SLAMF1: variants seen among roughly 807,000 people sequenced by gnomAD.
The protein encoded by SLAMF1 is signaling lymphocytic activation molecule.
SLAMF1 carries 18 observed loss-of-function variants against 35.1 expected under a neutral mutation model. The observed-to-expected ratio is 0.51, with a 90% CI of 0.35 to 0.76. The LOEUF (loss-of-function observed/expected upper bound fraction) is 0.76, where lower values mean the gene tolerates loss of function less well. SLAMF1 is among the 30% of genes least tolerant of loss of function. SLAMF1 has a pLI of 0.01. For missense variants in SLAMF1, 392 were observed against 413.0 expected, an observed-to-expected ratio of 0.95 and a Z score of 0.44; for synonymous variants, 168 against 157.2, an observed-to-expected ratio of 1.07 and a Z score of -0.51.
intron 1 of SLAMF1, among the ~76,000 whole-genome samples, chr1:160,641,708 A>T (rs890984899): frequency 3.3e-5 from 5 of 152,142 alleles, no homozygotes; most frequent in Non-Finnish European, 5.9e-5. Context: ...CCCTCACATA[A>T]GCACAAGGTG....
At chr1:160,631,413 C>T (rs770694602) in intron 3 of SLAMF1, among the ~76,000 whole-genome samples, 11 of 152,226 alleles carry the variant, frequency 7.2e-5, no homozygotes, top group South Asian at 2.1e-4. Context: ...TTGGACATAG[C>T]GTCTTCACAG....
intron 1 of SLAMF1, among the ~76,000 whole-genome samples, chr1:160,638,623 T>C (rs1660580754): frequency 6.6e-6 from 1 of 152,240 alleles, no homozygotes; most frequent in Admixed American, 6.5e-5. Flanking sequence ...TGTGTGTTTA[T>C]AGTTTCTTTT....
chr1:160,632,949 G>A (rs1417600298), intron 3 of SLAMF1, among the ~76,000 whole-genome samples: 6 of 152,020 alleles, frequency 3.9e-5, no homozygotes, highest in African/African-American at 1.2e-4. Context: ...CTGTGAAGTG[G>A]GGATACTATC....
intron 3 of SLAMF1, among the ~76,000 whole-genome samples, chr1:160,633,299 G>A (rs79641029): frequency 7.3e-4 from 111 of 152,200 alleles, no homozygotes; most frequent in African/African-American, 2.5e-3. Context: ...GTGAGAGGAC[G>A]GGGGACTCTG....
rs1427618078 is a variant in SLAMF1 at position 160,609,926 on chromosome 1, T to A, written c.*822A>T. On this transcript the variant is annotated 3_prime_UTR_variant, in exon 7 of 7. Coordinates refer to ENST00000302035, the MANE Select transcript of SLAMF1 (RefSeq NM_003037.5). ...CAGAGAACTGGGATTTAAACATCAT[T>A]TTGAGAAGTGAAAAATCACCATGGG... The A allele has an allele frequency of 1.2e-5, 2 of 173,662 alleles. No homozygotes were observed. The highest frequency in any genetic ancestry group is 4.8e-5 in the African/African-American group (2 of 41,562). 10.8% of individuals were successfully genotyped at this position (173,662 alleles called of 1,614,324 possible).
At chr1:160,617,858 A>G (rs1659391658) in intron 5 of SLAMF1, among the ~76,000 whole-genome samples, 1 of 152,150 alleles carries the variant, frequency 6.6e-6, no homozygotes, top group Admixed American at 6.5e-5. Context: ...AGATCACTTG[A>G]GGTTAGTAGT....
intron 4 of SLAMF1, among the ~76,000 whole-genome samples, chr1:160,622,761 T>G (rs1373713326): frequency 6.6e-6 from 1 of 152,208 alleles, no homozygotes; most frequent in Non-Finnish European, 1.5e-5. Flanking sequence ...CATCTGAATG[T>G]AAGTTTGTCT....
chr1:160,637,467 G>C lies in SLAMF1; in HGVS notation c.139C>G (p.Leu47Val). 5 of 1,613,924 alleles carry C rather than the reference G, an allele frequency of 3.1e-6. No individual in the cohort carries two copies. The highest frequency in any genetic ancestry group is 4.2e-6 in the Non-Finnish European group (5 of 1,179,996). ...CTCTTATTTATCCTTTCATATGTCA[G>C]GGGCAGCAGCACTTTGCTTCCCAAC... ...RQLGSKVLLP[L>V]TYERINKSMN... The change falls in exon 2 of 7, where the codon CTG becomes GTG. Residue 47 changes from leucine (L) to valine (V), a missense_variant. Coordinates refer to ENST00000302035, the MANE Select transcript of SLAMF1 (RefSeq NM_003037.5).
intron 5 of SLAMF1, among the ~76,000 whole-genome samples, chr1:160,612,816 C>G (rs893191396): frequency 5.9e-5 from 9 of 152,192 alleles, no homozygotes; most frequent in East Asian, 1.9e-4. Context: ...CCCAAGGCAG[C>G]CTCATCCATT....
chr1:160,645,888 G>T (rs1394000488), intron 1 of SLAMF1, among the ~76,000 whole-genome samples: 1 of 151,942 alleles, frequency 6.6e-6, no homozygotes, highest in Non-Finnish European at 1.5e-5. Flanking sequence ...TTGGATTTGC[G>T]GTCTTGAAAA....
intron 2 of SLAMF1, among the ~76,000 whole-genome samples, chr1:160,635,632 C>T (rs1396151196): frequency 6.8e-6 from 1 of 147,906 alleles, no homozygotes; most frequent in Non-Finnish European, 1.5e-5. Context: ...AGTGCAGTGG[C>T]ACAATCTCAG....
intron 1 of SLAMF1, 27 bp downstream of exon 1, chr1:160,646,843 C>A (rs1441892595): frequency 1.4e-6 from 2 of 1,380,656 alleles, no homozygotes; most frequent in South Asian, 2.3e-5. Context: ...ACATGGGACT[C>A]AAACCATCAG....
chr1:160,645,505 T>C (rs1660994567), intron 1 of SLAMF1, among the ~76,000 whole-genome samples: 2 of 152,340 alleles, frequency 1.3e-5, no homozygotes, highest in Admixed American at 1.3e-4. Context: ...TAAGATGCTA[T>C]GGGCCAGGCT....
chr1:160,623,240 G>T (rs1365175246), intron 4 of SLAMF1, among the ~76,000 whole-genome samples: 1 of 152,114 alleles, frequency 6.6e-6, no homozygotes, highest in African/African-American at 2.4e-5. Flanking sequence ...AAATGTGATT[G>T]CCCTACCCCG....
At position 160,642,168 on chromosome 1, in the gene SLAMF1, G is replaced by A. The variant is rs1660783573; in HGVS notation, c.77-4639C>T. On this transcript the variant is annotated intron_variant, in intron 1 of 6. Coordinates refer to ENST00000302035, the MANE Select transcript of SLAMF1 (RefSeq NM_003037.5). The surrounding 1 kb of genome is among the most constrained non-coding windows in gnomAD (Gnocchi z 4.2). ...GGTAAATTTAGGCTCAGAAAGAAAA[G>A]ACATCTTGTCTGTGTTTGCTTTTTA... is the stretch of plus-strand genomic sequence containing the variant. Among the ~76,000 whole-genome samples, 2 of 152,162 alleles carry A rather than the reference G, an allele frequency of 1.3e-5. No homozygotes were observed. The highest frequency in any genetic ancestry group is 1.3e-4 in the Admixed American group (2 of 15,280).
Position 160,634,826 on chromosome 1 carries a change from C to T in SLAMF1, c.487G>A (p.Gly163Ser). The T allele has an allele frequency of 6.2e-7, 1 of 1,614,080 alleles. No homozygotes were observed. Among genetic ancestry groups the T allele is most frequent in the Non-Finnish European group, 8.5e-7 (1 of 1,179,996 alleles). The change falls in exon 3 of 7, where the codon GGC (glycine) becomes AGC (serine). Residue 163 changes from glycine (G) to serine (S), a missense_variant. Physicochemically the swap from Gly to Ser is moderately conservative, Grantham distance 56. Transcript: ENST00000302035. ...TGGTCCCCCTTCTCCACTGTGCAGC[C>T]CAGTATCAAGGTGCAGGTCCCGTTC... Reference protein sequence around the residue: ...QENGTCTLILGCTVEKGDHVA... With the variant: ...QENGTCTLILSCTVEKGDHVA...
chr1:160,619,785 C>G lies in SLAMF1; in HGVS notation c.855G>C (p.Gln285His). 1 of 1,606,926 alleles carries G rather than the reference C, an allele frequency of 6.2e-7. No individual in the cohort carries two copies. The highest frequency in any genetic ancestry group is 8.5e-7 in the Non-Finnish European group (1 of 1,173,432). Residue 285 changes from glutamine (Q) to histidine (H), a missense_variant, in exon 5 of 7, where the codon CAG becomes CAC. Physicochemically the swap from Gln to His is conservative, Grantham distance 24. Transcript: ENST00000302035. ...KKSLTIYAQV[Q>H]KPGPLQKKLD... Reference sequence around the variant, plus strand: ...AAAATATAGAACTTACACCTGGTTTCTGGACTTGGGCATAGATCGTAAGGC... The same window carrying G: ...AAAATATAGAACTTACACCTGGTTTGTGGACTTGGGCATAGATCGTAAGGC...
At chr1:160,624,430 T>C (rs1303321542) in intron 3 of SLAMF1, among the ~76,000 whole-genome samples, 1 of 152,222 alleles carries the variant, frequency 6.6e-6, no homozygotes, top group African/African-American at 2.4e-5. Context: ...TCTATCCAAA[T>C]GCTTTATTTT....
In SLAMF1 at chr1:160,646,923, G is replaced by T; in HGVS notation, c.23C>A (p.Ser8Tyr). 6.2e-7 allele frequency: 1 copy of T among 1,605,326 alleles called. No individual in the cohort carries two copies. The highest frequency in any genetic ancestry group is 8.5e-7 in the Non-Finnish European group (1 of 1,172,678). The change falls in exon 1 of 7, where the codon TCC (serine) becomes TAC (tyrosine). Residue 8 changes from serine to tyrosine, a missense_variant. By Grantham distance (144) the Ser-to-Tyr change is moderately radical (BLOSUM62 -2). Transcript: ENST00000302035. ...GGAGAGAAACAGCACGAAGGTCAAG[G>T]AGAGGAGCCCCTTGGGATCCATCAG... MDPKGLL[S>Y]LTFVLFLSLA...
Sources: allele counts gnomAD v4.1 joint callset (sites outside exome capture counted in the v4.1 genomes callset), GRCh38; gene constraint gnomAD v4.1.1; non-coding constraint Gnocchi (gnomAD v3.1); transcripts MANE v1.5; gene names NCBI Gene and HGNC (gene_info 2026-07-23, HGNC 2026-07-21).